Variants in DIDO1 observed in about 807,000 individuals in gnomAD.
DIDO1 encodes the protein death inducer-obliterator 1.
Under a neutral mutation model 99.4 loss-of-function variants are expected in DIDO1, and 16 were observed. The observed-to-expected ratio is 0.16, with a 90% CI of 0.11 to 0.24. The LOEUF is 0.24. Ranked by LOEUF, DIDO1 falls within the 10% of genes least tolerant of loss-of-function variation. The pLI is 1.00. For missense variants in DIDO1, 2,996 were observed against 3,014.0 expected, an observed-to-expected ratio of 0.99 and a Z score of 0.14; for synonymous variants, 1,366 against 1,239.1, an observed-to-expected ratio of 1.10 and a Z score of -2.15.
intron 1 of DIDO1, among the ~76,000 whole-genome samples, chr20:62,934,961 C>T (rs1298067419): frequency 6.6e-6 from 1 of 152,196 alleles, no homozygotes; most frequent in Non-Finnish European, 1.5e-5. Context: ...TGATCCACTC[C>T]TTGTCTCCAT....
rs1224391467 is a variant in DIDO1 at position 62,909,785 on chromosome 20, T to C, written c.1075A>G (p.Lys359Glu). The C allele has an allele frequency of 6.2e-7, 1 of 1,614,266 alleles. No homozygotes were observed. Among genetic ancestry groups the C allele is most frequent in the Admixed American group, 1.7e-5 (1 of 60,032 alleles). Residue 359 changes from lysine to glutamate, a missense_variant, in exon 4 of 16, where the codon AAG (lysine) becomes GAG (glutamate). Physicochemically the swap from Lys to Glu is moderately conservative, Grantham distance 56. This residue lies in a region of DIDO1 where 898 missense variants were observed against 972.7 expected (regional missense o/e 0.92). Coordinates refer to ENST00000395343, the MANE Select transcript of DIDO1 (RefSeq NM_001193369.2). ...TTTATCCCTTGGTCTTCGCTAGACT[T>C]CTGCTCTATTGTTCCTATACTTGTA... Reference protein sequence around the residue: ...DCTSIGTIEQKSSEDQGIKGR... With the variant: ...DCTSIGTIEQESSEDQGIKGR...
In DIDO1 at chr20:62,896,438, T is replaced by C; in HGVS notation, c.2055-46A>G. ...GAACTACATAAGACACTTGTGTATATTAAACTTTTTGAACAGTGAGGCAAT... is the reference window on the plus strand; with the variant it reads ...GAACTACATAAGACACTTGTGTATACTAAACTTTTTGAACAGTGAGGCAAT... On this transcript the variant is annotated intron_variant, in intron 7 of 15. Transcript: ENST00000395343. This position sits in a 1 kb window ranked among gnomAD's most constrained non-coding sequence, Gnocchi z 4.4. 3.1e-6 allele frequency: 5 copies of C among 1,593,458 alleles called. No homozygotes were observed. Among genetic ancestry groups the C allele is most frequent in the Non-Finnish European group, 4.3e-6 (5 of 1,174,190 alleles).
chr20:62,922,096 C>T (rs201252612), intron 1 of DIDO1, among the ~76,000 whole-genome samples: 61 of 80,758 alleles, frequency 7.6e-4, no homozygotes, highest in African/African-American at 2.7e-3. Context: ...ACTATATATA[C>T]ACACTATATA....
chr20:62,913,036 G>A (rs1052913745), intron 2 of DIDO1, among the ~76,000 whole-genome samples: 3 of 152,144 alleles, frequency 2.0e-5, no homozygotes, highest in Non-Finnish European at 4.4e-5. Context: ...TCAAAAAAAA[G>A]AAAAAGAACG....
chr20:62,889,676 G>A (rs1039565556), intron 15 of DIDO1: 1 of 985,330 alleles, frequency 1.0e-6, no homozygotes, highest in African/African-American at 1.7e-5. Context: ...CGTGGAGCTG[G>A]CCAGAGCTCT....
chr20:62,922,107 T>TACACACAC (rs1281359081), intron 1 of DIDO1, among the ~76,000 whole-genome samples: 4 of 66,218 alleles, frequency 6.0e-5, no homozygotes, highest in East Asian at 1.4e-3. Flanking sequence ...ACACTATATA[T>TACACACAC]ATACACACAC....
At chr20:62,882,772 T>C (rs1413872992) in intron 15 of DIDO1, among the ~76,000 whole-genome samples, 1 of 134,740 alleles carries the variant, frequency 7.4e-6, no homozygotes, top group Non-Finnish European at 1.6e-5. Context: ...TAAATTATAA[T>C]GCTAGAGCAG....
In DIDO1 at chr20:62,880,508, C is replaced by T. The variant is rs760673555; in HGVS notation, c.5448G>A (p.Gly1816=). ...PIPSLFSGQH[G]PPPYGDSRGP... is the part of the protein sequence containing the mutation. ...CTCTGCTGTCCCCATAAGGAGGTGG[C>T]CCATGTTGCCCCGAGAATAAGGAAG... The change falls in exon 16 of 16, where the codon GGG becomes GGA. Residue 1816 remains glycine (G), a synonymous_variant. Transcript: ENST00000395343. The T allele has an allele frequency of 2.5e-6, 4 of 1,612,942 alleles. No individual in the cohort carries two copies. The Admixed American group carries it at 6.7e-5, about 27-fold the overall frequency.
chr20:62,884,975 A>G (rs890181225), intron 15 of DIDO1, among the ~76,000 whole-genome samples: 2 of 152,244 alleles, frequency 1.3e-5, no homozygotes, highest in South Asian at 4.1e-4. Flanking sequence ...TGAGTTGAAC[A>G]TATTTTAAAA....
At chr20:62,929,758 G>T (rs1225081394), upstream of DIDO1, among the ~76,000 whole-genome samples, 780 of 126,050 alleles carry the variant, frequency 6.2e-3, 5 homozygotes, top group Non-Finnish European at 6.7e-3. Context: ...CCACTGTTTT[G>T]TTTTTTTTTT....
intron 2 of DIDO1, among the ~76,000 whole-genome samples, chr20:62,913,171 C>T (rs570145225): frequency 1.1e-4 from 17 of 152,308 alleles, no homozygotes; most frequent in African/African-American, 4.1e-4. Context: ...GGCCTCCACG[C>T]TCTGTAAACA....
At chr20:62,892,742 G>GT (rs1425178421) in intron 13 of DIDO1, 67 bp downstream of exon 13, 4 of 1,534,276 alleles carry the variant, frequency 2.6e-6, no homozygotes, top group Non-Finnish European at 3.5e-6. Context: ...AAAGTCATGT[G>GT]TTTGACTCTA....
At chr20:62,926,996 C>T (rs1202113031), upstream of DIDO1, among the ~76,000 whole-genome samples, 1 of 152,216 alleles carries the variant, frequency 6.6e-6, no homozygotes, top group Non-Finnish European at 1.5e-5. Flanking sequence ...ACGGCCTCGG[C>T]TGGGAATGGC....
Position 62,906,106 on chromosome 20 carries a change from T to C in DIDO1, c.1375-6A>G. The C allele has an allele frequency of 6.2e-7, 1 of 1,603,668 alleles. No homozygotes were observed. The highest frequency in any genetic ancestry group is 8.5e-7 in the Non-Finnish European group (1 of 1,174,768). ...GAAGAGATTTTAATACCTGCCTGGA[T>C]AATCAGTAAAACCCCAAATCATTAA... On this transcript the variant is annotated splice_polypyrimidine_tract_variant and splice_region_variant and intron_variant, in intron 5 of 15. Coordinates refer to ENST00000395343, the MANE Select transcript of DIDO1 (RefSeq NM_001193369.2).
chr20:62,905,115 A>C, intron 6 of DIDO1: 1 of 999,894 alleles, frequency 1.0e-6, no homozygotes, highest in Non-Finnish European at 1.2e-6. Context: ...CATTTCATTA[A>C]TTTGAAATTT....
At chr20:62,907,990 TTTTG>T (rs938710922) in intron 4 of DIDO1, among the ~76,000 whole-genome samples, 5 of 152,160 alleles carry the variant, frequency 3.3e-5, no homozygotes, top group African/African-American at 1.2e-4. Context: ...ATACTTTTTT[TTTTG>T]TTTGAGACAG....
rs950743265 is a variant in DIDO1 at position 62,905,509 on chromosome 20, A to C, written c.1588+378T>G. The C allele has an allele frequency of 1.9e-6, 3 of 1,550,786 alleles. No individual in the cohort carries two copies. The African/African-American group carries it at 4.1e-5, about 21-fold the overall frequency. ...GCGTATACAGCGCTGTTGTCAGAAC[A>C]ACTCATGTGCAGACAGGGGTGGATG... is the stretch of plus-strand genomic sequence containing the variant. On this transcript the variant is annotated intron_variant, in intron 6 of 15. Transcript: ENST00000395343.
intron 15 of DIDO1, among the ~76,000 whole-genome samples, chr20:62,884,506 C>A (rs555566911): frequency 6.6e-6 from 1 of 152,338 alleles, no homozygotes; most frequent in African/African-American, 2.4e-5. Flanking sequence ...CTTCCCCTTA[C>A]AGTGAAAACC....
intron 1 of DIDO1, among the ~76,000 whole-genome samples, chr20:62,923,558 C>G (rs1013025403): frequency 3.9e-5 from 6 of 152,160 alleles, no homozygotes; most frequent in African/African-American, 1.4e-4. Context: ...GCAGACAAGC[C>G]GGCCAGGGCA....
Sources: allele counts gnomAD v4.1 joint callset (sites outside exome capture counted in the v4.1 genomes callset), GRCh38; gene constraint gnomAD v4.1.1; regional missense constraint gnomAD v4.1.1; non-coding constraint Gnocchi (gnomAD v3.1); transcripts MANE v1.5; gene names NCBI Gene and HGNC (gene_info 2026-07-23, HGNC 2026-07-21).